DCHS2: variants seen among roughly 807,000 people sequenced by gnomAD.
DCHS2 encodes dachsous cadherin-related 2.
A neutral mutation model predicts 182.4 loss-of-function variants in DCHS2; 142 were observed. The ratio of observed to expected loss-of-function variants is 0.78; its 90% CI spans 0.68 to 0.89. The LOEUF is 0.89. DCHS2 is among the 40% of genes least tolerant of loss of function. The pLI is 0.00. For synonymous variants in DCHS2, 1,740 were observed against 1,663.3 expected, an observed-to-expected ratio of 1.05 and a Z score of -1.12; for missense variants, 4,319 against 4,198.6, an observed-to-expected ratio of 1.03 and a Z score of -0.79.
intron 3 of DCHS2, among the ~76,000 whole-genome samples, chr4:154,344,865 G>A (rs752894734): frequency 2.6e-5 from 4 of 152,198 alleles, no homozygotes; most frequent in Non-Finnish European, 4.4e-5. Context: ...GGTCACCATG[G>A]TGTGGCTGCT....
chr4:154,284,291 T>A (rs1005164843), intron 13 of DCHS2, among the ~76,000 whole-genome samples: 2 of 152,194 alleles, frequency 1.3e-5, no homozygotes, highest in African/African-American at 4.8e-5. Context: ...TTCTACCAAA[T>A]GTTTTATTCT....
chr4:154,467,456 A>G (rs955706609), intron 1 of DCHS2, among the ~76,000 whole-genome samples: 12 of 152,148 alleles, frequency 7.9e-5, no homozygotes, highest in Non-Finnish European at 1.8e-4. Context: ...TACATACTCT[A>G]TAGCCACTGT....
intron 19 of DCHS2, 63 bp downstream of exon 19, chr4:154,239,107 T>A (rs1316172519): frequency 6.4e-7 from 1 of 1,560,824 alleles, no homozygotes; most frequent in East Asian, 2.3e-5. Flanking sequence ...TAGAAAGGGT[T>A]ATTTCAGGTT....
At chr4:154,252,921 G>C (rs1270368301) in intron 16 of DCHS2, among the ~76,000 whole-genome samples, 2 of 151,958 alleles carry the variant, frequency 1.3e-5, no homozygotes, top group Non-Finnish European at 2.9e-5. Context: ...TACTTTCCTC[G>C]ATCAGACAAA....
chr4:154,487,004 A>G (rs1279194680), intron 1 of DCHS2, among the ~76,000 whole-genome samples: 1 of 152,224 alleles, frequency 6.6e-6, no homozygotes, highest in African/African-American at 2.4e-5. Context: ...GAGTTGTAAC[A>G]ATGGGATAAA....
At chr4:154,343,488 A>T (rs1729206664) in intron 3 of DCHS2, 1 of 1,458,838 alleles carries the variant, frequency 6.9e-7, no homozygotes, top group Admixed American at 2.3e-5. Context: ...AATCTTAGCT[A>T]GATTTGCTAC....
rs745495105 is a variant in DCHS2 at position 154,320,901 on chromosome 4, C to T, written c.4498G>A (p.Val1500Met). ...LSSTVFLSID[V>M]EDQNDHSPSF... ...GGGGAATGGTCATTCTGATCTTCCA[C>T]ATCGATACTAAGGAAGACTGTGCTA... The change falls in exon 9 of 20, where the codon GTG (valine) becomes ATG (methionine). Residue 1500 changes from valine to methionine, a missense_variant. Val to Met is a conservative substitution (Grantham distance 21). Coordinates refer to ENST00000357232, the MANE Select transcript of DCHS2 (RefSeq NM_001358235.2). 2 of 1,614,016 alleles carry T rather than the reference C, an allele frequency of 1.2e-6. No homozygotes were observed. The highest frequency in any genetic ancestry group is 1.7e-5 in the Admixed American group (1 of 59,974).
At chr4:154,473,370 T>C (rs73854798) in intron 1 of DCHS2, among the ~76,000 whole-genome samples, 2,462 of 152,288 alleles carry the variant, frequency 0.016, 41 homozygotes, top group South Asian at 0.072. Flanking sequence ...GGTCTTCTTG[T>C]GCCGAGTGAC....
intron 15 of DCHS2, among the ~76,000 whole-genome samples, chr4:154,256,371 G>A (rs941780533): frequency 6.6e-6 from 1 of 152,118 alleles, no homozygotes; most frequent in African/African-American, 2.4e-5. Flanking sequence ...CTGGGCTCAA[G>A]CGATCCACCT....
At chr4:154,414,523 A>G (rs1389100592) in intron 1 of DCHS2, among the ~76,000 whole-genome samples, 1 of 138,644 alleles carries the variant, frequency 7.2e-6, no homozygotes, top group African/African-American at 2.6e-5. Context: ...GCCAAGGGAC[A>G]TATGATAACT....
At chr4:154,270,832 A>T (rs1411301071) in intron 13 of DCHS2, among the ~76,000 whole-genome samples, 1 of 151,950 alleles carries the variant, frequency 6.6e-6, no homozygotes, top group Admixed American at 6.6e-5. Context: ...CTATGAGAGC[A>T]TAAAGAAAAG....
intron 13 of DCHS2, among the ~76,000 whole-genome samples, chr4:154,294,020 G>C (rs1158298215): frequency 6.6e-6 from 1 of 152,042 alleles, no homozygotes; most frequent in Non-Finnish European, 1.5e-5. Flanking sequence ...AGAAGTAATG[G>C]TTAAATGGTA....
intron 16 of DCHS2, among the ~76,000 whole-genome samples, chr4:154,246,184 A>G (rs1732060913): frequency 6.6e-6 from 1 of 152,200 alleles, no homozygotes; most frequent in Non-Finnish European, 1.5e-5. Flanking sequence ...TAGGAAGAAT[A>G]TTTTAAATTC....
intron 13 of DCHS2, among the ~76,000 whole-genome samples, chr4:154,282,830 T>C (rs1404045407): frequency 6.6e-6 from 1 of 152,180 alleles, no homozygotes; most frequent in East Asian, 1.9e-4. Flanking sequence ...ATACATTCAA[T>C]GAAATATTAT....
chr4:154,378,753 G>T (rs1238762545), intron 1 of DCHS2, among the ~76,000 whole-genome samples: 4 of 152,084 alleles, frequency 2.6e-5, no homozygotes, highest in African/African-American at 7.2e-5. Flanking sequence ...CATACAATTG[G>T]CAGCAGAGGG....
At chr4:154,461,980 A>G (rs1473947808) in intron 1 of DCHS2, among the ~76,000 whole-genome samples, 1 of 152,184 alleles carries the variant, frequency 6.6e-6, no homozygotes, top group Non-Finnish European at 1.5e-5. Flanking sequence ...AACTTATCAA[A>G]AGCACAAGAG....
chr4:154,293,102 T>G (rs1212249797), intron 13 of DCHS2, among the ~76,000 whole-genome samples: 1 of 152,220 alleles, frequency 6.6e-6, no homozygotes, highest in Non-Finnish European at 1.5e-5. Flanking sequence ...TGGCTGCACA[T>G]TGGAATCGCA....
chr4:154,308,910 A>T (rs1735564266), intron 10 of DCHS2, among the ~76,000 whole-genome samples: 1 of 152,194 alleles, frequency 6.6e-6, no homozygotes, highest in South Asian at 2.1e-4. Flanking sequence ...CCTTGATATA[A>T]CCGGAAACCC....
chr4:154,465,494 C>G (rs1560775296), intron 1 of DCHS2, among the ~76,000 whole-genome samples: 1 of 152,070 alleles, frequency 6.6e-6, no homozygotes, highest in Admixed American at 6.6e-5. Context: ...CATCGTGAAA[C>G]CCTGTCTCTA....
Sources: gnomAD v4.1 joint callset for allele counts (sites outside exome capture counted in the v4.1 genomes callset) on GRCh38, gnomAD v4.1.1 for gene constraint, MANE v1.5 for transcripts, NCBI Gene and HGNC (gene_info 2026-07-23, HGNC 2026-07-21) for gene names.